Variants in SIRPG observed in about 807,000 individuals in gnomAD.
The protein encoded by SIRPG is signal-regulatory protein gamma.
In SIRPG, 38 loss-of-function variants were observed where a neutral mutation model predicts 35.7. That is an observed-to-expected ratio of 1.06 (90% CI 0.82 to 1.40). The LOEUF (loss-of-function observed/expected upper bound fraction) is 1.40. SIRPG is among the 40% of genes most tolerant of loss of function. The pLI is 0.00. For missense variants in SIRPG, 519 were observed against 483.0 expected (o/e 1.07, Z -0.70); for synonymous variants, 215 against 190.4 (o/e 1.13, Z -1.06).
chr20:1,662,080 C>A (rs750025823), upstream of SIRPG, among the ~76,000 whole-genome samples: 2 of 152,206 alleles, frequency 1.3e-5, no homozygotes, highest in Non-Finnish European at 2.9e-5. Flanking sequence ...AAGGAACCAG[C>A]TGAGCAAATC....
intron 4 of SIRPG, chr20:1,630,730 T>C (rs1188007815): frequency 5.9e-6 from 1 of 168,540 alleles, no homozygotes; most frequent in African/African-American, 2.4e-5. Context: ...CTTAGGTTGA[T>C]CCCTGAGACC....
chr20:1,658,076 T>A (rs907113768), upstream of SIRPG, among the ~76,000 whole-genome samples: 1 of 152,200 alleles, frequency 6.6e-6, no homozygotes, highest in Non-Finnish European at 1.5e-5. Context: ...TAGGTATTGT[T>A]TTCTAAAGTC....
the SIRPG span, among the ~76,000 whole-genome samples, chr20:1,674,989 A>G: frequency 6.6e-6 from 1 of 152,166 alleles, no homozygotes; most frequent in Non-Finnish European, 1.5e-5. Flanking sequence ...AGTGCCCTGA[A>G]TTCTTGAGCC....
chr20:1,667,099 G>A, the SIRPG span, among the ~76,000 whole-genome samples: 1 of 152,124 alleles, frequency 6.6e-6, no homozygotes, highest in Non-Finnish European at 1.5e-5. Context: ...GTCTCACCAT[G>A]TTGCCCAGGC....
At chr20:1,671,871 G>A in the SIRPG span, among the ~76,000 whole-genome samples, 1 of 152,334 alleles carries the variant, frequency 6.6e-6, no homozygotes, top group East Asian at 1.9e-4. Context: ...TCCACCCTGG[G>A]TGGGCCAGGT....
At chr20:1,672,905 A>T in the SIRPG span, among the ~76,000 whole-genome samples, 1 of 152,162 alleles carries the variant, frequency 6.6e-6, no homozygotes. Flanking sequence ...TGTTTTCATC[A>T]TTAGTTAACT....
At chr20:1,639,029 A>G (rs962075444) in intron 2 of SIRPG, among the ~76,000 whole-genome samples, 1 of 152,062 alleles carries the variant, frequency 6.6e-6, no homozygotes, top group Non-Finnish European at 1.5e-5. Flanking sequence ...ACTGATGGGC[A>G]TTTGGGTTGG....
upstream of SIRPG, among the ~76,000 whole-genome samples, chr20:1,658,635 C>T (rs553504582): frequency 6.6e-6 from 1 of 152,230 alleles, no homozygotes; most frequent in Admixed American, 6.5e-5. Context: ...GTTTCAATCT[C>T]CTAAACTGGG....
intron 4 of SIRPG, among the ~76,000 whole-genome samples, chr20:1,633,006 G>C (rs1184262159): frequency 1.3e-5 from 2 of 152,064 alleles, no homozygotes; most frequent in Admixed American, 6.5e-5. Context: ...CTATAGCAAG[G>C]CTGATGAAGA....
chr20:1,664,641 A>C, the SIRPG span, among the ~76,000 whole-genome samples: 2 of 152,172 alleles, frequency 1.3e-5, no homozygotes, highest in Admixed American at 1.3e-4. Flanking sequence ...TCCACATGGC[A>C]GGGGAGGAAG....
At chr20:1,642,506 G>A (rs1377494017) in intron 2 of SIRPG, among the ~76,000 whole-genome samples, 1 of 152,144 alleles carries the variant, frequency 6.6e-6, no homozygotes, top group Admixed American at 6.5e-5. Context: ...CACCGATGGG[G>A]CTTGACTCTT....
At chr20:1,655,182 A>C (rs1412319932) in intron 1 of SIRPG, among the ~76,000 whole-genome samples, 1 of 152,232 alleles carries the variant, frequency 6.6e-6, no homozygotes, top group Admixed American at 6.5e-5. Flanking sequence ...ACTGGCATAT[A>C]TCCAAAGGAA....
At chr20:1,678,561 A>G in the SIRPG span, among the ~76,000 whole-genome samples, 1 of 152,174 alleles carries the variant, frequency 6.6e-6, no homozygotes, top group Non-Finnish European at 1.5e-5. Flanking sequence ...GAAAGATAAT[A>G]GAATCTAAGG....
chr20:1,630,227 G>A lies in SIRPG; in HGVS notation c.1161C>T (p.Thr387=), dbSNP rs376099297. The A allele has an allele frequency of 1.2e-5, 19 of 1,564,002 alleles. No individual in the cohort carries two copies. In the African/African-American group the frequency reaches 2.6e-4, roughly 21 times the overall value. ...CCTCCCTTCCTTGTACTTACAGTCA[G>A]GTCTTCTGCTTCCAGGGGACGTAGA... ...GPIYVPWKQK[T] Residue 387 remains threonine, a synonymous_variant, in exon 5 of 6, where the codon ACC becomes ACT. Coordinates refer to ENST00000303415, the MANE Select transcript of SIRPG (RefSeq NM_018556.4).
At chr20:1,653,800 T>C (rs1379805610) in intron 1 of SIRPG, among the ~76,000 whole-genome samples, 1 of 151,988 alleles carries the variant, frequency 6.6e-6, no homozygotes, top group Non-Finnish European at 1.5e-5. Context: ...AAAAAATGAG[T>C]TGAAGTTTAC....
chr20:1,675,417 G>C, the SIRPG span, among the ~76,000 whole-genome samples: 7 of 152,190 alleles, frequency 4.6e-5, no homozygotes, highest in African/African-American at 9.6e-5. Context: ...TGTAAAGCCA[G>C]CCCCTCCTAC....
intron 2 of SIRPG, chr20:1,647,315 G>A (rs191513162): frequency 4.0e-4 from 61 of 152,364 alleles, no homozygotes; most frequent in African/African-American, 1.4e-3. Context: ...CACCATACTA[G>A]GAGTTAGCAT....
chr20:1,661,890 A>G (rs1346658280), upstream of SIRPG, among the ~76,000 whole-genome samples: 1 of 152,206 alleles, frequency 6.6e-6, no homozygotes, highest in Admixed American at 6.5e-5. Flanking sequence ...CAGGGGTCCC[A>G]TGACCCTTCC....
chr20:1,646,332 G>C (rs1010582061), intron 2 of SIRPG: 4 of 152,296 alleles, frequency 2.6e-5, no homozygotes, highest in African/African-American at 9.6e-5. Context: ...GTCAGCCTGA[G>C]GGGAGCATGG....
Sources: gnomAD v4.1 joint callset for allele counts (sites outside exome capture counted in the v4.1 genomes callset) on GRCh38, gnomAD v4.1.1 for gene constraint, MANE v1.5 for transcripts, NCBI Gene and HGNC (gene_info 2026-07-23, HGNC 2026-07-21) for gene names.